Variants in CROCC2 observed in about 807,000 individuals in gnomAD.
The protein encoded by CROCC2 is ciliary rootlet coiled-coil protein 2.
In CROCC2, 163 loss-of-function variants were observed where a neutral mutation model predicts 177.6. That is an observed-to-expected ratio of 0.92 (90% CI 0.81 to 1.05). The LOEUF is 1.05. Among genes scored for constraint, CROCC2 ranks in the 50% least tolerant of loss-of-function variants. The pLI is 0.00. For missense variants in CROCC2, 1,929 were observed against 1,797.8 expected, an observed-to-expected ratio of 1.07 and a Z score of -1.32; for synonymous variants, 904 against 787.3, an observed-to-expected ratio of 1.15 and a Z score of -2.48.
intron 18 of CROCC2, chr2:240,950,769 ATCCATCCATCTC>A: frequency 2.2e-6 from 1 of 462,814 alleles, no homozygotes; most frequent in South Asian, 3.5e-5. Flanking sequence ...CTACCCATCC[ATCCATCCATCTC>A]TCCATCCATC....
intron 20 of CROCC2, among the ~76,000 whole-genome samples, chr2:240,961,678 G>C (rs547395822): frequency 1.4e-5 from 2 of 144,398 alleles, no homozygotes; most frequent in Admixed American, 6.9e-5. Flanking sequence ...CACACGTAGT[G>C]CATGCACAGG....
rs78656795 is a variant in CROCC2, at chr2:240,935,476, G to A, written c.2057G>A (p.Arg686His). 0.014 allele frequency: 18,753 copies of A among 1,358,392 alleles called. 961 individuals are homozygous for A. The East Asian group carries it at 0.18, about 13-fold the overall frequency. 84.1% of individuals were successfully genotyped at this position (1,358,392 alleles called of 1,614,324 possible). Residue 686 changes from arginine (R) to histidine (H), a missense_variant, in exon 14 of 32, where the codon CGC (arginine) becomes CAC (histidine). Arg to His is a conservative substitution (Grantham distance 29). Transcript: ENST00000690015. ...EQQLALERAE[R>H]RGLQQACGRL... ...CAGCTGGCGCTGGAGCGGGCAGAGC[G>A]CAGGGGCCTGCAGCAGGCCTGCGGA... is the stretch of plus-strand genomic sequence containing the variant.
intron 5 of CROCC2, among the ~76,000 whole-genome samples, chr2:240,928,952 C>A (rs1403900428): frequency 6.6e-6 from 1 of 151,480 alleles, no homozygotes; most frequent in African/African-American, 2.4e-5. Flanking sequence ...AGGAGCATGC[C>A]CTCGGAGGGT....
rs2059538177 is a variant in CROCC2 at position 240,948,986 on chromosome 2, A to G, written c.2371A>G (p.Arg791Gly). Reference sequence around the variant, plus strand: ...TTTGCTGCATCTTTGCAGGGTGGAGAGGGACTCCCTGGAGAGCAGCCTCCT... The same window carrying G: ...TTTGCTGCATCTTTGCAGGGTGGAGGGGGACTCCCTGGAGAGCAGCCTCCT... ...AEEAADLRVE[R>G]DSLESSLLEA... The change falls in exon 16 of 32, where the codon AGG becomes GGG. Residue 791 changes from arginine to glycine, a missense_variant. By Grantham distance (125) the Arg-to-Gly change is moderately radical (BLOSUM62 -2). Around this residue, in one of 3 missense-constraint regions of CROCC2, gnomAD observed 1,397 missense variants for 1,239.9 expected, o/e 1.13. Coordinates refer to ENST00000690015, the MANE Select transcript of CROCC2 (RefSeq NM_001351305.2). The G allele has an allele frequency of 6.5e-7, 1 of 1,550,318 alleles. No individual in the cohort carries two copies. Among genetic ancestry groups the G allele is most frequent in the Non-Finnish European group, 8.7e-7 (1 of 1,146,894 alleles).
rs2059726003 is a variant in CROCC2, at chr2:240,972,230, G to A, written c.4401+3968G>A. Among the ~76,000 whole-genome samples the A allele has an allele frequency of 6.6e-6, 1 of 152,172 alleles. No homozygotes were observed. The highest frequency in any genetic ancestry group is 1.5e-5 in the Non-Finnish European group (1 of 68,032). On this transcript the variant is annotated intron_variant, in intron 27 of 31. Transcript: ENST00000690015. The surrounding 1 kb of genome is among the most constrained non-coding windows in gnomAD (Gnocchi z 7.1). Reference sequence around the variant, plus strand: ...TATGTGTCCCCATCCAAATATTTCAGGCTCAAAAGAAAGGCAGAGAGAAGG... The same window carrying A: ...TATGTGTCCCCATCCAAATATTTCAAGCTCAAAAGAAAGGCAGAGAGAAGG...
intron 18 of CROCC2, among the ~76,000 whole-genome samples, chr2:240,952,214 G>A (rs889499023): frequency 2.0e-5 from 3 of 151,688 alleles, no homozygotes; most frequent in African/African-American, 7.3e-5. Flanking sequence ...GGGCATGGTG[G>A]TGGGGACCTG....
chr2:240,950,342 G>A lies in CROCC2; in HGVS notation c.2661G>A (p.Leu887=). Residue 887 remains leucine (L), a synonymous_variant, in exon 18 of 32, where the codon CTG becomes CTA. Transcript: ENST00000690015. ...LAQLQREKET[L]SLTLAEEKEV... is the part of the protein sequence containing the mutation. The stretch of plus-strand genomic sequence containing the variant: ...CCTTTACCTTGGCCCAGGAGACCCT[G>A]AGCCTGACCCTGGCAGAGGAGAAGG... The A allele has an allele frequency of 6.5e-7, 1 of 1,549,812 alleles. No individual in the cohort carries two copies. The highest frequency in any genetic ancestry group is 8.7e-7 in the Non-Finnish European group (1 of 1,146,636).
intron 7 of CROCC2, among the ~76,000 whole-genome samples, chr2:240,932,098 G>A (rs142224122): frequency 6.6e-6 from 1 of 152,374 alleles, no homozygotes; most frequent in East Asian, 1.9e-4. Context: ...GAGCTGGTCA[G>A]GGTGTGGGCC....
intron 14 of CROCC2, among the ~76,000 whole-genome samples, chr2:240,944,389 T>C (rs1016087102): frequency 1.3e-5 from 2 of 152,220 alleles, no homozygotes; most frequent in African/African-American, 4.8e-5. Flanking sequence ...CCTGTATCTG[T>C]TCAAATGTGC....
At position 240,973,641 on chromosome 2, in the gene CROCC2, C is replaced by T. The variant is rs985161216; in HGVS notation, c.4401+5379C>T. Reference sequence around the variant, plus strand: ...GTCAGTCACAGGTTCTAAAAGTTTCCGGGGTCCACATATGCCCACAGCTAG... The same window carrying T: ...GTCAGTCACAGGTTCTAAAAGTTTCTGGGGTCCACATATGCCCACAGCTAG... On this transcript the variant is annotated intron_variant, in intron 27 of 31. Coordinates refer to ENST00000690015, the MANE Select transcript of CROCC2 (RefSeq NM_001351305.2). The surrounding 1 kb of genome is among the most constrained non-coding windows in gnomAD (Gnocchi z 4.7). Among the ~76,000 whole-genome samples the T allele has an allele frequency of 2.6e-5, 4 of 152,188 alleles. No homozygotes were observed. Among genetic ancestry groups the T allele is most frequent in the Admixed American group, 6.5e-5 (1 of 15,280 alleles).
At chr2:240,983,191 C>A in intron 28 of CROCC2, 162 bp downstream of exon 28, 1 of 849,948 alleles carries the variant, frequency 1.2e-6, no homozygotes, top group East Asian at 2.7e-5. Flanking sequence ...GACCCAGGCA[C>A]CATCCAGTCC....
chr2:240,958,852 G>A lies in CROCC2; in HGVS notation c.2944-449G>A, dbSNP rs367669722. Among the ~76,000 whole-genome samples the A allele has an allele frequency of 2.0e-5, 3 of 152,196 alleles. No homozygotes were observed. The highest frequency in any genetic ancestry group is 7.2e-5 in the African/African-American group (3 of 41,456). On this transcript the variant is annotated intron_variant, in intron 19 of 31. Coordinates refer to ENST00000690015, the MANE Select transcript of CROCC2 (RefSeq NM_001351305.2). This position sits in a 1 kb window ranked among gnomAD's most constrained non-coding sequence, Gnocchi z 6.7. ...GTCCATGAACAAGGGGCCATGGGCT[G>A]AGCCTGGGGCCTCCTGGCCCGAGGA...
intron 3 of CROCC2, among the ~76,000 whole-genome samples, chr2:240,921,312 T>C (rs2059355852): frequency 6.6e-6 from 1 of 152,050 alleles, no homozygotes. Flanking sequence ...TTCCATCCAT[T>C]GTTGCTGGCA....
rs2059628674 is a variant in CROCC2, at chr2:240,960,963, T to G, written c.3087+1519T>G. On this transcript the variant is annotated intron_variant, in intron 20 of 31. Transcript: ENST00000690015. The surrounding 1 kb of genome is among the most constrained non-coding windows in gnomAD (Gnocchi z 5.0). ...GTGGAGAGGGTGGGGGTGCATTGGT[T>G]CTGCTGGCCTCAAGGAAGGGAGTGC... Among the ~76,000 whole-genome samples the G allele has an allele frequency of 2.0e-5, 3 of 150,194 alleles. No individual in the cohort carries two copies. The highest frequency in any genetic ancestry group is 4.9e-5 in the African/African-American group (2 of 40,620).
chr2:240,913,175 G>A (rs754309050), intron 1 of CROCC2, among the ~76,000 whole-genome samples: 49 of 152,188 alleles, frequency 3.2e-4, no homozygotes, highest in Non-Finnish European at 3.5e-4. Flanking sequence ...TCACGGTCTG[G>A]AGCCAGGTTC....
intron 19 of CROCC2, among the ~76,000 whole-genome samples, chr2:240,956,690 C>T (rs2059592567): frequency 6.6e-6 from 1 of 152,168 alleles, no homozygotes; most frequent in African/African-American, 2.4e-5. Flanking sequence ...GGGAGGAGCG[C>T]TCTGGAGAGG....
At position 240,933,163 on chromosome 2, in the gene CROCC2, A is replaced by C. The variant is rs772216015; in HGVS notation, c.1284A>C (p.Ala428=). 26 of 1,549,916 alleles carry C rather than the reference A, an allele frequency of 1.7e-5. No individual in the cohort carries two copies. The South Asian group carries it at 2.9e-4, about 17-fold the overall frequency. Residue 428 remains alanine, a synonymous_variant, in exon 10 of 32, where the codon GCA becomes GCC. Transcript: ENST00000690015. ...GCCTGCAGCTGAAGTCCTCCCAGGC[A>C]CTGGTGGCCAGTCTCCAGGAGCAGC... ...ELCLQLKSSQ[A]LVASLQEQLS...
rs1415164727 is a variant in CROCC2, at chr2:240,960,082, C to T, written c.3087+638C>T. On this transcript the variant is annotated intron_variant, in intron 20 of 31. Transcript: ENST00000690015. The surrounding 1 kb of genome is among the most constrained non-coding windows in gnomAD (Gnocchi z 5.0). ...CAGGAAGGGCCTGACTCTGGAGGCACTGGGGCAGCTGTCGCCTCCCAAAGC... is the reference window on the plus strand; with the variant it reads ...CAGGAAGGGCCTGACTCTGGAGGCATTGGGGCAGCTGTCGCCTCCCAAAGC... Among the ~76,000 whole-genome samples the T allele has an allele frequency of 6.6e-6, 1 of 152,236 alleles. No individual in the cohort carries two copies. The highest frequency in any genetic ancestry group is 1.9e-4 in the East Asian group (1 of 5,190).
chr2:240,933,351 G>T lies in CROCC2; in HGVS notation c.1463+9G>T, dbSNP rs2059446903. On this transcript the variant is annotated intron_variant, in intron 10 of 31. Coordinates refer to ENST00000690015, the MANE Select transcript of CROCC2 (RefSeq NM_001351305.2). ...TGCAAGCTCCTGGGGAGGTAATGGG[G>T]TGAAGGGGTTGCACGGCCTTGCACA... 1 of 1,504,404 alleles carries T rather than the reference G, an allele frequency of 6.6e-7. No homozygotes were observed. The highest frequency in any genetic ancestry group is 1.4e-5 in the African/African-American group (1 of 72,162). The allele number at this position is 1,504,404 out of a possible 1,614,324, so 93.2% of individuals were successfully genotyped here.
Sources: allele counts gnomAD v4.1 joint callset (sites outside exome capture counted in the v4.1 genomes callset), GRCh38; gene constraint gnomAD v4.1.1; regional missense constraint gnomAD v4.1.1; non-coding constraint Gnocchi (gnomAD v3.1); transcripts MANE v1.5; gene names NCBI Gene and HGNC (gene_info 2026-07-23, HGNC 2026-07-21).